USP6NL: variants seen among roughly 807,000 people sequenced by gnomAD.
The protein encoded by USP6NL is USP6 N-terminal like, also known as USP6 N-terminal-like protein.
USP6NL carries 26 observed loss-of-function variants against 61.9 expected under a neutral mutation model. That is an observed-to-expected ratio of 0.42 (90% CI 0.31 to 0.58). The LOEUF (loss-of-function observed/expected upper bound fraction) is 0.58. USP6NL is among the 20% of genes least tolerant of loss of function. The pLI is 0.16. For missense variants in USP6NL, 1,114 were observed against 1,034.3 expected, an observed-to-expected ratio of 1.08 and a Z score of -1.06; for synonymous variants, 432 against 390.1, an observed-to-expected ratio of 1.11 and a Z score of -1.27.
At chr10:11,582,024 G>A (rs531129546) in intron 2 of USP6NL, among the ~76,000 whole-genome samples, 1 of 152,174 alleles carries the variant, frequency 6.6e-6, no homozygotes, top group Non-Finnish European at 1.5e-5. Context: ...GAGTGCTGTG[G>A]CGTGATCTCG....
Position 11,491,399 on chromosome 10 carries a change from T to A in USP6NL, c.495-519A>T, listed in dbSNP as rs1335154901. Among the ~76,000 whole-genome samples the A allele has an allele frequency of 6.6e-6, 1 of 152,194 alleles. No homozygotes were observed. Among genetic ancestry groups the A allele is most frequent in the African/African-American group, 2.4e-5 (1 of 41,444 alleles). On this transcript the variant is annotated intron_variant, in intron 8 of 14. Transcript: ENST00000609104. The surrounding 1 kb of genome is among the most constrained non-coding windows in gnomAD (Gnocchi z 4.7). ...CTCCACTCATCATTCTCTCTAGAGA[T>A]CCACTAGCAAAGCGTTTGCTTCTTG...
Position 11,562,463 on chromosome 10 carries a change from C to T in USP6NL, c.5-34896G>A. On this transcript the variant is annotated intron_variant, in intron 2 of 14. Coordinates refer to ENST00000609104, the MANE Select transcript of USP6NL (RefSeq NM_014688.5). The surrounding 1 kb of genome is among the most constrained non-coding windows in gnomAD (Gnocchi z 4.8). ...AAGACGCAGCAGTCATCACGTATCT[C>T]TGAGGACAAGGATTAAGTGTGGCTG... 1.0e-6 allele frequency: 1 copy of T among 985,364 alleles called. No individual in the cohort carries two copies. Among genetic ancestry groups the T allele is most frequent in the Non-Finnish European group, 1.2e-6 (1 of 829,930 alleles). 61.0% of individuals were successfully genotyped at this position (985,364 alleles called of 1,614,324 possible).
chr10:11,501,029 T>A, intron 7 of USP6NL, 72 bp downstream of exon 7: 1 of 1,187,004 alleles, frequency 8.4e-7, no homozygotes, highest in Non-Finnish European at 1.2e-6. Flanking sequence ...ATATCTTATG[T>A]CACCTTGAAT....
intron 2 of USP6NL, among the ~76,000 whole-genome samples, chr10:11,590,139 G>C (rs1290695211): frequency 6.6e-6 from 1 of 152,166 alleles, no homozygotes; most frequent in Non-Finnish European, 1.5e-5. Flanking sequence ...ACTGGGATAA[G>C]GGAAGACATT....
chr10:11,549,492 C>T (rs1836409154), intron 2 of USP6NL, among the ~76,000 whole-genome samples: 1 of 152,014 alleles, frequency 6.6e-6, no homozygotes, highest in Admixed American at 6.6e-5. Flanking sequence ...TTTTTCACTC[C>T]CTATTGGTGA....
chr10:11,590,537 T>C (rs139671893), intron 2 of USP6NL, among the ~76,000 whole-genome samples: 189 of 152,232 alleles, frequency 1.2e-3, no homozygotes, highest in African/African-American at 4.4e-3. Context: ...CTACATCTTT[T>C]CACAAATAAA....
Position 11,491,771 on chromosome 10 carries a change from T to C in USP6NL, c.495-891A>G, listed in dbSNP as rs1347270286. Among the ~76,000 whole-genome samples, 2 of 152,146 alleles carry C rather than the reference T, an allele frequency of 1.3e-5. No individual in the cohort carries two copies. The highest frequency in any genetic ancestry group is 6.5e-5 in the Admixed American group (1 of 15,288). On this transcript the variant is annotated intron_variant, in intron 8 of 14. Coordinates refer to ENST00000609104, the MANE Select transcript of USP6NL (RefSeq NM_014688.5). The surrounding 1 kb of genome is among the most constrained non-coding windows in gnomAD (Gnocchi z 4.7). ...ACCAATTCAGGCAGAACTGCTAGGT[T>C]CAGATTTTCAGGAAGAAAGGTTTGA...
Position 11,462,491 on chromosome 10 carries a change from G to C in USP6NL, c.2437C>G (p.His813Asp). 1 of 1,614,022 alleles carries C rather than the reference G, an allele frequency of 6.2e-7. No homozygotes were observed. The highest frequency in any genetic ancestry group is 8.5e-7 in the Non-Finnish European group (1 of 1,179,894). ...PYSGPPPPAY[H>D]YRNRDGLSIQ... ...GAAAGCCCGTCCCGATTCCTGTAGTGGTAGGCTGGAGGCGGGGGCCCTGAA... is the reference window on the plus strand; with the variant it reads ...GAAAGCCCGTCCCGATTCCTGTAGTCGTAGGCTGGAGGCGGGGGCCCTGAA... The change falls in exon 15 of 15, where the codon CAC becomes GAC. Residue 813 changes from histidine to aspartate, a missense_variant. Coordinates refer to ENST00000609104, the MANE Select transcript of USP6NL (RefSeq NM_014688.5).
Position 11,491,025 on chromosome 10 carries a change from T to C in USP6NL, c.495-145A>G. 1 of 691,824 alleles carries C rather than the reference T, an allele frequency of 1.4e-6. No individual in the cohort carries two copies. The allele number at this position is 691,824 out of a possible 1,614,324, so 42.9% of individuals were successfully genotyped here. ...TGTAATAAATTATCCCAAGTTCAAA[T>C]TCAAACAACACTCTAAAAAGTCTAA... On this transcript the variant is annotated intron_variant, in intron 8 of 14. Coordinates refer to ENST00000609104, the MANE Select transcript of USP6NL (RefSeq NM_014688.5). This position sits in a 1 kb window ranked among gnomAD's most constrained non-coding sequence, Gnocchi z 4.7.
intron 1 of USP6NL, among the ~76,000 whole-genome samples, chr10:11,601,301 AATTAAC>A (rs1446024821): frequency 2.6e-5 from 4 of 152,200 alleles, no homozygotes; most frequent in African/African-American, 9.6e-5. Flanking sequence ...AAATATGTAT[AATTAAC>A]AATACGTTGT....
In USP6NL at chr10:11,490,952, AT is replaced by A. The variant is rs1225054366; in HGVS notation, c.495-73del. 4.5e-6 allele frequency: 6 copies of A among 1,345,566 alleles called. No individual in the cohort carries two copies. The highest frequency in any genetic ancestry group is 2.8e-5 in the South Asian group (2 of 70,808). 83.4% of individuals were successfully genotyped at this position (1,345,566 alleles called of 1,614,324 possible). A position where few individuals can be genotyped will look rare whatever the true frequency, so the allele number is the denominator to read the frequency against. On this transcript the variant is annotated intron_variant, in intron 8 of 14. Coordinates refer to ENST00000609104, the MANE Select transcript of USP6NL (RefSeq NM_014688.5). This position sits in a 1 kb window ranked among gnomAD's most constrained non-coding sequence, Gnocchi z 4.5. Reference sequence around the variant, plus strand: ...TTTTAAAAATTACAAACTTAAAAAAATAAACCAAAGACTGACTGAAAACAGA... The same window carrying A: ...TTTTAAAAATTACAAACTTAAAAAAAAAACCAAAGACTGACTGAAAACAGA...
intron 4 of USP6NL, among the ~76,000 whole-genome samples, chr10:11,523,142 C>G (rs1307901015): frequency 6.6e-6 from 1 of 152,206 alleles, no homozygotes; most frequent in Non-Finnish European, 1.5e-5. Flanking sequence ...TTAGCACAGA[C>G]AGTGAAAACA....
intron 2 of USP6NL, among the ~76,000 whole-genome samples, chr10:11,588,960 A>T (rs1838069810): frequency 2.6e-5 from 4 of 152,194 alleles, no homozygotes. Context: ...ACAATATACC[A>T]AAAGTACAAA....
chr10:11,465,736 C>T lies in USP6NL; in HGVS notation c.1079-1887G>A, dbSNP rs967852185. Among the ~76,000 whole-genome samples the T allele has an allele frequency of 6.6e-6, 1 of 152,094 alleles. No individual in the cohort carries two copies. The highest frequency in any genetic ancestry group is 6.5e-5 in the Admixed American group (1 of 15,272). On this transcript the variant is annotated intron_variant, in intron 14 of 14. Coordinates refer to ENST00000609104, the MANE Select transcript of USP6NL (RefSeq NM_014688.5). This position sits in a 1 kb window ranked among gnomAD's most constrained non-coding sequence, Gnocchi z 4.5. ...TTCCATGTTTCAGTCTGCATCAATT[C>T]TCAATTCTCAATTAATGAAAACTCA...
Position 11,592,616 on chromosome 10 carries a change from G to A in USP6NL, c.4+5015C>T, listed in dbSNP as rs148441288. On this transcript the variant is annotated intron_variant, in intron 2 of 14. Coordinates refer to ENST00000609104, the MANE Select transcript of USP6NL (RefSeq NM_014688.5). The surrounding 1 kb of genome is among the most constrained non-coding windows in gnomAD (Gnocchi z 4.7). ...GATTCCATTAAATAACAGACATGCT[G>A]GCATTTCAAAGACAATTCAACTTAA... 1.1e-3 allele frequency among the ~76,000 whole-genome samples: 174 copies of A among 152,256 alleles called. No individual in the cohort carries two copies. The highest frequency in any genetic ancestry group is 3.9e-3 in the African/African-American group (163 of 41,542).
chr10:11,506,244 A>T (rs1834427082), intron 6 of USP6NL, among the ~76,000 whole-genome samples: 1 of 152,244 alleles, frequency 6.6e-6, no homozygotes, highest in Non-Finnish European at 1.5e-5. Context: ...GTGTATTTGT[A>T]GAAGGCACTT....
rs1336251417 is a variant in USP6NL, at chr10:11,470,220, G to C, written c.1079-6371C>G. Among the ~76,000 whole-genome samples, 2 of 152,150 alleles carry C rather than the reference G, an allele frequency of 1.3e-5. No individual in the cohort carries two copies. The highest frequency in any genetic ancestry group is 2.9e-5 in the Non-Finnish European group (2 of 68,026). ...AGAGAAGCAGCCAGCAGCGCAGAGG[G>C]CATGAGGATGGAGAAGGTGGAGGAT... On this transcript the variant is annotated intron_variant, in intron 14 of 14. Coordinates refer to ENST00000609104, the MANE Select transcript of USP6NL (RefSeq NM_014688.5). The surrounding 1 kb of genome is among the most constrained non-coding windows in gnomAD (Gnocchi z 5.4).
chr10:11,488,481 T>C (rs190776563), intron 10 of USP6NL, among the ~76,000 whole-genome samples: 35 of 152,310 alleles, frequency 2.3e-4, no homozygotes, highest in Admixed American at 9.2e-4. Context: ...ACAGTTATTA[T>C]AAACAGTGTT....
At chr10:11,559,346 A>G (rs1161525291) in intron 2 of USP6NL, among the ~76,000 whole-genome samples, 1 of 152,210 alleles carries the variant, frequency 6.6e-6, no homozygotes, top group Non-Finnish European at 1.5e-5. Context: ...ATATCATAAA[A>G]ATAAGGATAT....
Sources: allele counts gnomAD v4.1 joint callset (sites outside exome capture counted in the v4.1 genomes callset), GRCh38; gene constraint gnomAD v4.1.1; non-coding constraint Gnocchi (gnomAD v3.1); transcripts MANE v1.5; gene names NCBI Gene and HGNC (gene_info 2026-07-23, HGNC 2026-07-21).